The following PDGFD variants were observed in gnomAD, a reference collection of about 807,000 sequenced individuals.
The protein encoded by PDGFD is platelet-derived growth factor D.
A neutral mutation model predicts 44.7 loss-of-function variants in PDGFD; 30 were observed. The ratio of observed to expected loss-of-function variants is 0.67; its 90% CI spans 0.50 to 0.91. PDGFD has a LOEUF of 0.91. PDGFD is among the 40% of genes least tolerant of loss of function. PDGFD has a pLI of 0.00. For missense variants in PDGFD, 445 were observed against 457.8 expected, an observed-to-expected ratio of 0.97 and a Z score of 0.25; for synonymous variants, 173 against 168.4, an observed-to-expected ratio of 1.03 and a Z score of -0.21.
chr11:103,945,117 C>A (rs1390224451), intron 4 of PDGFD, among the ~76,000 whole-genome samples: 2 of 152,092 alleles, frequency 1.3e-5, no homozygotes, highest in Non-Finnish European at 2.9e-5. Flanking sequence ...GAGGCACGGT[C>A]TTTGTCATAC....
intron 2 of PDGFD, among the ~76,000 whole-genome samples, chr11:103,997,046 A>G (rs1312552257): frequency 6.6e-6 from 1 of 152,240 alleles, no homozygotes; most frequent in Non-Finnish European, 1.5e-5. Flanking sequence ...ATTCTATCAC[A>G]TAGTAGGAGA....
intron 6 of PDGFD, among the ~76,000 whole-genome samples, chr11:103,917,491 T>A (rs997238623): frequency 6.6e-6 from 1 of 152,228 alleles, no homozygotes; most frequent in Non-Finnish European, 1.5e-5. Flanking sequence ...TTAGCCTTTA[T>A]TTTTGATTTT....
At chr11:104,099,149 C>A (rs905317947) in intron 1 of PDGFD, among the ~76,000 whole-genome samples, 2 of 152,140 alleles carry the variant, frequency 1.3e-5, no homozygotes, top group African/African-American at 4.8e-5. Context: ...TGAGCAATCA[C>A]TACCCAGCTA....
chr11:104,018,004 T>C (rs1397153160), intron 1 of PDGFD, among the ~76,000 whole-genome samples: 1 of 152,172 alleles, frequency 6.6e-6, no homozygotes, highest in African/African-American at 2.4e-5. Context: ...CAGTACCTTA[T>C]GCTATGATAA....
intron 4 of PDGFD, among the ~76,000 whole-genome samples, chr11:103,944,729 C>T (rs79269001): frequency 6.6e-5 from 10 of 152,146 alleles, no homozygotes; most frequent in African/African-American, 2.2e-4. Context: ...AATGTTGTCT[C>T]TCTTTAACCA....
At chr11:104,100,059 C>T (rs946729985) in intron 1 of PDGFD, among the ~76,000 whole-genome samples, 1 of 152,044 alleles carries the variant, frequency 6.6e-6, no homozygotes, top group Non-Finnish European at 1.5e-5. Flanking sequence ...CAAAAGTCGA[C>T]TACATGCATG....
At chr11:104,053,085 T>C (rs1263462051) in intron 1 of PDGFD, among the ~76,000 whole-genome samples, 7 of 152,222 alleles carry the variant, frequency 4.6e-5, no homozygotes, top group Admixed American at 3.9e-4. Context: ...AATACTTTCT[T>C]ATTATGAAAA....
At chr11:103,932,790 T>A (rs932029531) in intron 5 of PDGFD, among the ~76,000 whole-genome samples, 2 of 152,242 alleles carry the variant, frequency 1.3e-5, no homozygotes, top group African/African-American at 4.8e-5. Flanking sequence ...TTCAGTTTAA[T>A]TTTTTATCAC....
At chr11:103,984,834 ATTAAT>A (rs1168999953) in intron 3 of PDGFD, among the ~76,000 whole-genome samples, 2 of 143,158 alleles carry the variant, frequency 1.4e-5, no homozygotes, top group South Asian at 2.1e-4. Flanking sequence ...TATATAATAT[ATTAAT>A]TTATTTAATA....
intron 1 of PDGFD, among the ~76,000 whole-genome samples, chr11:104,141,817 G>A (rs931318830): frequency 2.0e-5 from 3 of 152,128 alleles, no homozygotes; most frequent in South Asian, 4.1e-4. Context: ...CCTCCCCTAC[G>A]CCCTCCAGAA....
At chr11:103,925,043 G>C (rs1216311211) in intron 6 of PDGFD, among the ~76,000 whole-genome samples, 2 of 152,052 alleles carry the variant, frequency 1.3e-5, no homozygotes, top group African/African-American at 4.8e-5. Flanking sequence ...TTATGAGTGA[G>C]AACATGTGGT....
At chr11:104,105,474 T>C (rs1234298247) in intron 1 of PDGFD, among the ~76,000 whole-genome samples, 1 of 152,096 alleles carries the variant, frequency 6.6e-6, no homozygotes, top group African/African-American at 2.4e-5. Flanking sequence ...CATGTTTACA[T>C]GGGTAAGAAA....
intron 1 of PDGFD, among the ~76,000 whole-genome samples, chr11:104,100,928 A>G (rs577902053): frequency 3.3e-5 from 5 of 152,288 alleles, no homozygotes; most frequent in African/African-American, 1.2e-4. Context: ...CTCTCAATAA[A>G]TTAGGTATCG....
Position 104,066,795 on chromosome 11 carries a change from A to G in PDGFD, c.125-66540T>C, listed in dbSNP as rs558767507. On this transcript the variant is annotated intron_variant, in intron 1 of 6. Coordinates refer to ENST00000393158, the MANE Select transcript of PDGFD (RefSeq NM_025208.5). Reference sequence around the variant, plus strand: ...CCCAGCTGGCACTGGCATAGTTCATACGATCAAATCACACTCGGCCTTTGA... The same window carrying G: ...CCCAGCTGGCACTGGCATAGTTCATGCGATCAAATCACACTCGGCCTTTGA... Among the ~76,000 whole-genome samples, 3 of 152,282 alleles carry G rather than the reference A, an allele frequency of 2.0e-5. No individual in the cohort carries two copies. In the East Asian group the frequency reaches 5.8e-4, roughly 29 times the overall value.
chr11:103,990,153 G>C (rs1342794201), intron 3 of PDGFD, among the ~76,000 whole-genome samples: 2 of 152,266 alleles, frequency 1.3e-5, no homozygotes, highest in East Asian at 3.9e-4. Flanking sequence ...GACTGAGAGA[G>C]GAGTGACCTA....
intron 3 of PDGFD, among the ~76,000 whole-genome samples, chr11:103,964,776 G>T (rs999013924): frequency 3.9e-5 from 6 of 151,990 alleles, no homozygotes; most frequent in Non-Finnish European, 8.8e-5. Context: ...AGTACTACTG[G>T]TCCAGGTAGG....
At chr11:104,115,939 T>C (rs1277278282) in intron 1 of PDGFD, among the ~76,000 whole-genome samples, 8 of 151,978 alleles carry the variant, frequency 5.3e-5, no homozygotes, top group African/African-American at 7.2e-5. Context: ...TGGATATTAG[T>C]CCTATGTCAG....
chr11:104,000,119 C>G lies in PDGFD; in HGVS notation c.261G>C (p.Glu87Asp). The change falls in exon 2 of 7, where the codon GAG becomes GAC. Residue 87 changes from glutamate to aspartate, a missense_variant. Glu to Asp is a conservative substitution (Grantham distance 45, BLOSUM62 2). Transcript: ENST00000393158. ...CAAACACTAGCTGTATCCGTGTATT[C>G]TCCTGAGAGTGAAGCCGCCATGTCA... The part of the protein sequence containing the change: ...LLLTWRLHSQ[E>D]NTRIQLVFDN... 1 of 1,614,072 alleles carries G rather than the reference C, an allele frequency of 6.2e-7. No homozygotes were observed. The highest frequency in any genetic ancestry group is 1.1e-5 in the South Asian group (1 of 91,076).
intron 3 of PDGFD, among the ~76,000 whole-genome samples, chr11:103,962,550 T>C (rs1043304300): frequency 2.0e-5 from 3 of 152,180 alleles, no homozygotes; most frequent in African/African-American, 7.2e-5. Flanking sequence ...AGGAGGCAAG[T>C]TGAGAAACTC....
Sources: gnomAD v4.1 joint callset for allele counts (sites outside exome capture counted in the v4.1 genomes callset) on GRCh38, gnomAD v4.1.1 for gene constraint, MANE v1.5 for transcripts, NCBI Gene and HGNC (gene_info 2026-07-23, HGNC 2026-07-21) for gene names.